The following TENM3 variants were observed in gnomAD, a reference collection of about 807,000 sequenced individuals.
TENM3 encodes teneurin-3.
In TENM3, 63 loss-of-function variants were observed where a neutral mutation model predicts 255.1. The ratio of observed to expected loss-of-function variants is 0.25; its 90% CI spans 0.20 to 0.30. The LOEUF (loss-of-function observed/expected upper bound fraction) is 0.30, where lower values mean the gene tolerates loss of function less well. Ranked by LOEUF, TENM3 falls within the 10% of genes least tolerant of loss-of-function variation. The pLI is 1.00. For synonymous variants in TENM3, 1,306 were observed against 1,322.3 expected, an observed-to-expected ratio of 0.99 and a Z score of 0.27; for missense variants, 2,929 against 3,461.1, an observed-to-expected ratio of 0.85 and a Z score of 3.86.
chr4:181,808,956 T>C, the TENM3 span, among the ~76,000 whole-genome samples: 1 of 152,212 alleles, frequency 6.6e-6, no homozygotes, highest in Non-Finnish European at 1.5e-5. Flanking sequence ...CCTATTAGCA[T>C]GTAAGCAATT....
At chr4:181,478,234 C>T in the TENM3 span, among the ~76,000 whole-genome samples, 5 of 152,176 alleles carry the variant, frequency 3.3e-5, no homozygotes, top group African/African-American at 7.2e-5. Context: ...GTGCTACAAG[C>T]TTGGAGTTTA....
the TENM3 span, among the ~76,000 whole-genome samples, chr4:181,800,667 TC>T: frequency 3.9e-5 from 6 of 152,138 alleles, no homozygotes; most frequent in Non-Finnish European, 7.4e-5. Flanking sequence ...AGGGAACAGT[TC>T]AGGTGACTTG....
At chr4:181,718,957 A>G in the TENM3 span, among the ~76,000 whole-genome samples, 2 of 152,152 alleles carry the variant, frequency 1.3e-5, no homozygotes, top group South Asian at 2.1e-4. Flanking sequence ...CTGTAATCCC[A>G]GCACTTTGGG....
chr4:181,828,358 A>T, the TENM3 span, among the ~76,000 whole-genome samples: 2 of 152,196 alleles, frequency 1.3e-5, no homozygotes, highest in Non-Finnish European at 2.9e-5. Context: ...GATGCCAAAT[A>T]ATATTCCTTC....
chr4:182,400,112 T>G (rs1240736581), intron 3 of TENM3, among the ~76,000 whole-genome samples: 3 of 152,258 alleles, frequency 2.0e-5, no homozygotes, highest in Non-Finnish European at 4.4e-5. Context: ...GTTTAATGTT[T>G]CCATTTACTG....
chr4:181,892,138 G>C, the TENM3 span, among the ~76,000 whole-genome samples: 3 of 152,196 alleles, frequency 2.0e-5, no homozygotes, highest in African/African-American at 7.2e-5. Flanking sequence ...ATAGTTTGTG[G>C]GATTTTGTTG....
At chr4:182,175,915 C>T (rs2149714069) in intron 1 of TENM3, among the ~76,000 whole-genome samples, 1 of 145,288 alleles carries the variant, frequency 6.9e-6, no homozygotes, top group Non-Finnish European at 1.5e-5. Flanking sequence ...CACCCCCGCC[C>T]CCCACCCTGC....
intron 1 of TENM3, among the ~76,000 whole-genome samples, chr4:182,282,614 C>T (rs557253496): frequency 8.5e-5 from 13 of 152,082 alleles, no homozygotes; most frequent in South Asian, 2.1e-4. Context: ...TTAAATGGGC[C>T]GGGCACAGTG....
chr4:182,099,034 T>G, the TENM3 span, among the ~76,000 whole-genome samples: 1 of 145,742 alleles, frequency 6.9e-6, no homozygotes, highest in African/African-American at 2.6e-5. Flanking sequence ...TGATCTCGGC[T>G]CACTGCAACC....
At chr4:182,271,717 T>G (rs1294951504) in intron 1 of TENM3, among the ~76,000 whole-genome samples, 1 of 152,250 alleles carries the variant, frequency 6.6e-6, no homozygotes, top group Non-Finnish European at 1.5e-5. Context: ...TAACGGTAAT[T>G]AATTCTCACA....
At chr4:181,569,582 T>A in the TENM3 span, among the ~76,000 whole-genome samples, 1 of 152,188 alleles carries the variant, frequency 6.6e-6, no homozygotes, top group African/African-American at 2.4e-5. Flanking sequence ...TTCTCACTGA[T>A]GAATACACAA....
At chr4:181,769,016 T>G in the TENM3 span, among the ~76,000 whole-genome samples, 1 of 152,212 alleles carries the variant, frequency 6.6e-6, no homozygotes, top group Admixed American at 6.5e-5. Context: ...TCAAGAGATT[T>G]TTTTCTCTTT....
intron 24 of TENM3, among the ~76,000 whole-genome samples, chr4:182,779,898 A>T (rs1287731412): frequency 6.6e-6 from 1 of 151,746 alleles, no homozygotes; most frequent in Non-Finnish European, 1.5e-5. Context: ...CCACTTTTTG[A>T]TGGGGTTGTT....
the TENM3 span, among the ~76,000 whole-genome samples, chr4:181,714,283 GA>G: frequency 1.3e-5 from 2 of 151,540 alleles, no homozygotes; most frequent in African/African-American, 4.8e-5. Context: ...AAAGAAGTTA[GA>G]AAAAAAAATT....
chr4:181,630,704 CAGTT>C, the TENM3 span, among the ~76,000 whole-genome samples: 4 of 152,138 alleles, frequency 2.6e-5, no homozygotes, highest in Non-Finnish European at 5.9e-5. Flanking sequence ...GTCTGAGAAA[CAGTT>C]TGTTAAAATT....
chr4:182,290,557 C>T (rs376625248), intron 1 of TENM3, among the ~76,000 whole-genome samples: 32 of 152,034 alleles, frequency 2.1e-4, no homozygotes, highest in Middle Eastern at 3.4e-3. Context: ...GGCAGGAGTG[C>T]GGTGGCACAA....
chr4:182,046,050 G>A, the TENM3 span, among the ~76,000 whole-genome samples: 1 of 152,080 alleles, frequency 6.6e-6, no homozygotes, highest in Admixed American at 6.6e-5. Context: ...GAGGCAAGGG[G>A]ACAAAAGCTT....
At chr4:181,545,249 C>G in the TENM3 span, among the ~76,000 whole-genome samples, 2 of 151,526 alleles carry the variant, frequency 1.3e-5, no homozygotes, top group Non-Finnish European at 2.9e-5. Flanking sequence ...TGCTAGTAAA[C>G]AAATATGTAA....
upstream of TENM3, among the ~76,000 whole-genome samples, chr4:182,238,789 T>C (rs146304119): frequency 3.4e-3 from 512 of 152,316 alleles, 3 homozygotes; most frequent in African/African-American, 0.012. Context: ...GTGAAAATTA[T>C]TAAAAGTTTT....
Sources: allele counts gnomAD v4.1 joint callset (sites outside exome capture counted in the v4.1 genomes callset), GRCh38; gene constraint gnomAD v4.1.1; transcripts MANE v1.5; gene names NCBI Gene and HGNC (gene_info 2026-07-23, HGNC 2026-07-21).